Variants in SKAP1 observed in about 807,000 individuals in gnomAD.
The protein encoded by SKAP1 is src kinase associated phosphoprotein 1, also known as src kinase-associated phosphoprotein 1.
A neutral mutation model predicts 58.5 loss-of-function variants in SKAP1; 44 were observed. The observed-to-expected ratio is 0.75, with a 90% confidence interval of 0.59 to 0.97. SKAP1 has a LOEUF of 0.97. Among genes scored for constraint, SKAP1 ranks in the 50% least tolerant of loss-of-function variants. SKAP1 has a pLI of 0.00. For synonymous variants in SKAP1, 127 were observed against 149.7 expected (o/e 0.85, Z 1.11); for missense variants, 390 against 435.2 (o/e 0.90, Z 0.92).
chr17:48,402,098 T>C (rs1361650665), intron 1 of SKAP1, among the ~76,000 whole-genome samples: 1 of 152,194 alleles, frequency 6.6e-6, no homozygotes, highest in African/African-American at 2.4e-5. Flanking sequence ...CTAGAATGGT[T>C]ACAGGCGAAA....
chr17:48,254,644 T>C (rs2065403457), intron 4 of SKAP1, among the ~76,000 whole-genome samples: 1 of 150,672 alleles, frequency 6.6e-6, no homozygotes, highest in Non-Finnish European at 1.5e-5. Context: ...TAATTCATTC[T>C]GTCATATTTA....
intron 8 of SKAP1, among the ~76,000 whole-genome samples, chr17:48,180,768 A>G (rs1309464094): frequency 3.3e-5 from 5 of 152,234 alleles, no homozygotes; most frequent in African/African-American, 1.2e-4. Flanking sequence ...AATGGGCAAC[A>G]GTGGAAGATA....
chr17:48,142,721 T>C (rs748019548), intron 11 of SKAP1, among the ~76,000 whole-genome samples: 2 of 152,180 alleles, frequency 1.3e-5, no homozygotes, highest in Non-Finnish European at 2.9e-5. Context: ...GTTGATCCTT[T>C]TAGGACCAGG....
intron 2 of SKAP1, among the ~76,000 whole-genome samples, chr17:48,378,268 A>G (rs2067175443): frequency 6.6e-6 from 1 of 152,186 alleles, no homozygotes; most frequent in South Asian, 2.1e-4. Context: ...TGAAGAGCAA[A>G]GTCTTTGCAG....
At chr17:48,142,769 GTGTC>G (rs2063784084) in intron 11 of SKAP1, among the ~76,000 whole-genome samples, 1 of 150,528 alleles carries the variant, frequency 6.6e-6, no homozygotes, top group African/African-American at 2.4e-5. Flanking sequence ...ATAACTAAAT[GTGTC>G]TGTCTGCCAC....
intron 11 of SKAP1, among the ~76,000 whole-genome samples, chr17:48,140,029 C>T (rs1213449623): frequency 6.6e-6 from 1 of 152,166 alleles, no homozygotes; most frequent in Non-Finnish European, 1.5e-5. Context: ...TTTTTTAAAA[C>T]AACCATTAAA....
intron 2 of SKAP1, among the ~76,000 whole-genome samples, chr17:48,367,575 T>TGGATATATATCCATATAG (rs1381786694): frequency 6.7e-6 from 1 of 148,464 alleles, no homozygotes; most frequent in African/African-American, 2.4e-5. Context: ...TATATATATA[T>TGGATATATATCCATATAG]ATAATCATAC....
At chr17:48,329,320 T>C (rs1186252732) in intron 4 of SKAP1, among the ~76,000 whole-genome samples, 4 of 152,380 alleles carry the variant, frequency 2.6e-5, no homozygotes, top group African/African-American at 7.2e-5. Context: ...GCTCAATTCA[T>C]GGTAGCCATT....
intron 4 of SKAP1, among the ~76,000 whole-genome samples, chr17:48,270,325 T>G (rs1350550722): frequency 6.6e-6 from 1 of 152,094 alleles, no homozygotes; most frequent in African/African-American, 2.4e-5. Flanking sequence ...TTTAAAAATT[T>G]TTTAAATTAA....
chr17:48,190,762 A>G (rs2064531256), intron 4 of SKAP1, among the ~76,000 whole-genome samples: 1 of 152,074 alleles, frequency 6.6e-6, no homozygotes, highest in Non-Finnish European at 1.5e-5. Context: ...GAGGCAGGCA[A>G]ATCACGAGGT....
At chr17:48,254,210 AC>A (rs1248705687) in intron 4 of SKAP1, among the ~76,000 whole-genome samples, 2 of 152,062 alleles carry the variant, frequency 1.3e-5, no homozygotes, top group Non-Finnish European at 2.9e-5. Context: ...CACTAGGAAA[AC>A]TTTTGGTAAG....
At chr17:48,165,219 G>C (rs560120242) in intron 10 of SKAP1, among the ~76,000 whole-genome samples, 4 of 152,294 alleles carry the variant, frequency 2.6e-5, no homozygotes, top group South Asian at 4.1e-4. Flanking sequence ...AGACCTTGAA[G>C]AGGGGAAGAG....
chr17:48,289,250 A>G (rs749221768), intron 4 of SKAP1, among the ~76,000 whole-genome samples: 2 of 152,154 alleles, frequency 1.3e-5, no homozygotes, highest in African/African-American at 2.4e-5. Context: ...ACTCATGCTT[A>G]TGAGTAATAT....
At chr17:48,286,372 A>G (rs1342946718) in intron 4 of SKAP1, among the ~76,000 whole-genome samples, 1 of 152,208 alleles carries the variant, frequency 6.6e-6, no homozygotes, top group African/African-American at 2.4e-5. Flanking sequence ...TAAATTATAT[A>G]TTTTCACTTT....
rs1214428229 is a variant in SKAP1, at chr17:48,255,415, AATATATATATATGT to A, written c.281-65929_281-65916del. On this transcript the variant is annotated intron_variant, in intron 4 of 12. Coordinates refer to ENST00000336915, the MANE Select transcript of SKAP1 (RefSeq NM_003726.4). ...TTCCTTTCTGCACCAGTACTAACTAAATATATATATATGTATATATATATATTTACATATAGTTG... is the reference window on the plus strand; with the variant it reads ...TTCCTTTCTGCACCAGTACTAACTAAATATATATATATTTACATATAGTTG... Among the ~76,000 whole-genome samples the A allele has an allele frequency of 3.3e-5, 5 of 149,396 alleles. No individual in the cohort carries two copies. In the East Asian group the frequency reaches 5.8e-4, roughly 17 times the overall value.
chr17:48,372,114 A>G (rs1210499587), intron 2 of SKAP1, among the ~76,000 whole-genome samples: 3 of 150,444 alleles, frequency 2.0e-5, no homozygotes, highest in Non-Finnish European at 3.0e-5. Flanking sequence ...TAGGATTACA[A>G]ACGTGTGCCA....
chr17:48,429,552 G>A (rs1472678508), intron 1 of SKAP1, among the ~76,000 whole-genome samples: 1 of 152,216 alleles, frequency 6.6e-6, no homozygotes, highest in Non-Finnish European at 1.5e-5. Flanking sequence ...GTGATAAAGG[G>A]AGGGCTGGGG....
intron 1 of SKAP1, among the ~76,000 whole-genome samples, chr17:48,413,523 A>AATATATATATATATATATATATATATAT (rs1555624885): frequency 7.6e-5 from 8 of 105,112 alleles, no homozygotes; most frequent in Non-Finnish European, 1.1e-4. Flanking sequence ...TCAAAAAAAA[A>AATATATATATATATATATATATATATAT]ATATATATAT....
chr17:48,444,913 G>A, the SKAP1 span, among the ~76,000 whole-genome samples: 1 of 152,192 alleles, frequency 6.6e-6, no homozygotes, highest in Non-Finnish European at 1.5e-5. Flanking sequence ...AAGACAAGCT[G>A]TAGGGGCAGT....
Sources: gnomAD v4.1 joint callset for allele counts (sites outside exome capture counted in the v4.1 genomes callset) on GRCh38, gnomAD v4.1.1 for gene constraint, MANE v1.5 for transcripts, NCBI Gene and HGNC (gene_info 2026-07-23, HGNC 2026-07-21) for gene names.